Variants in SGK1 observed in about 807,000 individuals in gnomAD.
The protein encoded by SGK1 is serine/threonine-protein kinase Sgk1.
In SGK1, 26 loss-of-function variants were observed where a neutral mutation model predicts 64.2. The ratio of observed to expected loss-of-function variants is 0.40; its 90% confidence interval spans 0.30 to 0.56. The LOEUF is 0.56. Among genes scored for constraint, SGK1 ranks in the 20% least tolerant of loss-of-function variants. The probability of loss-of-function intolerance (pLI) is 0.38; values close to 1 mark genes in which losing one functional copy is unlikely to be tolerated. For synonymous variants in SGK1, 265 were observed against 239.7 expected (o/e 1.11, Z -0.98); for missense variants, 519 against 645.6 (o/e 0.80, Z 2.12).
intron 3 of SGK1, among the ~76,000 whole-genome samples, chr6:134,201,760 G>T (rs1339236035): frequency 1.3e-5 from 2 of 152,272 alleles, no homozygotes; most frequent in East Asian, 1.9e-4. Flanking sequence ...CCTTTGTAAA[G>T]AATCCATTTA....
Position 134,286,478 on chromosome 6 carries a change from A to AT in SGK1, c.70-24331dup, listed in dbSNP as rs1267281237. Among the ~76,000 whole-genome samples the AT allele has an allele frequency of 8.3e-3, 1,066 of 128,466 alleles. 8 individuals are homozygous for AT. Among genetic ancestry groups the AT allele is most frequent in the East Asian group, 0.014 (62 of 4,452 alleles). The allele number at this position is 128,466 out of a possible 152,430, so 84.3% of individuals were successfully genotyped here. A position where few individuals can be genotyped will look rare whatever the true frequency, so the allele number is the denominator to read the frequency against. ...ACCTTGTCTAAAAACAAAATACAAT[A>AT]TTTTTTTTTTTTTTTTTTTTTGAGA... On this transcript the variant is annotated intron_variant, in intron 1 of 13. Transcript: ENST00000367858.
chr6:134,221,102 G>A (rs1400197213), intron 2 of SGK1, among the ~76,000 whole-genome samples: 11 of 151,962 alleles, frequency 7.2e-5, no homozygotes, highest in African/African-American at 1.2e-4. Flanking sequence ...TCAAGAGTTC[G>A]AAACCAGCCT....
At chr6:134,174,917 G>T (rs1775173155) in intron 3 of SGK1, 7 of 1,547,778 alleles carry the variant, frequency 4.5e-6, no homozygotes, top group Non-Finnish European at 6.1e-6. Context: ...CGGGGGCGGG[G>T]CCTGCGCGAC....
At chr6:134,201,466 A>G (rs1308178669) in intron 3 of SGK1, among the ~76,000 whole-genome samples, 1 of 151,996 alleles carries the variant, frequency 6.6e-6, no homozygotes, top group Non-Finnish European at 1.5e-5. Context: ...GGTTCAAGCA[A>G]TTCTTCTGCC....
chr6:134,300,414 T>C (rs905405437), intron 1 of SGK1, among the ~76,000 whole-genome samples: 1 of 150,958 alleles, frequency 6.6e-6, no homozygotes, highest in Non-Finnish European at 1.5e-5. Flanking sequence ...GGCGGGCGCC[T>C]GTAGTCCTAG....
intron 1 of SGK1, among the ~76,000 whole-genome samples, chr6:134,314,900 T>C (rs992206320): frequency 3.0e-4 from 46 of 151,248 alleles, no homozygotes; most frequent in African/African-American, 1.1e-3. Context: ...TATGCAGAAA[T>C]GTGTGGAACT....
intron 1 of SGK1, among the ~76,000 whole-genome samples, chr6:134,275,094 C>G (rs1275434739): frequency 6.6e-6 from 1 of 152,150 alleles, no homozygotes; most frequent in Non-Finnish European, 1.5e-5. Context: ...CAGGCGTGAG[C>G]CACAGCGCCT....
intron 3 of SGK1, chr6:134,174,807 T>C (rs200857667): frequency 1.9e-6 from 3 of 1,614,086 alleles, no homozygotes; most frequent in Non-Finnish European, 2.5e-6. Context: ...TTCACCGTCA[T>C]CACCACCGCG....
rs1562259723 is a variant in SGK1 at position 134,232,424 on chromosome 6, A to AG, written c.286-24994_286-24993insC. On this transcript the variant is annotated intron_variant, in intron 2 of 13. Coordinates refer to ENST00000367858, the MANE Select transcript of SGK1 (RefSeq NM_001143676.3). ...GAAAAAGAAAGAAAGAGAAAGAAAG[A>AG]AAGAAAGAAAGAAAGAAAGAAAGAA... Among the ~76,000 whole-genome samples, 13 of 38,540 alleles carry AG rather than the reference A, an allele frequency of 3.4e-4. 1 individual carries two copies. The highest frequency in any genetic ancestry group is 9.7e-4 in the African/African-American group (11 of 11,362). 25.3% of individuals were successfully genotyped at this position (38,540 alleles called of 152,430 possible).
chr6:134,293,564 T>G (rs182368395), intron 1 of SGK1, among the ~76,000 whole-genome samples: 43 of 152,274 alleles, frequency 2.8e-4, no homozygotes, highest in African/African-American at 1.0e-3. Context: ...AACTTCTATC[T>G]TCTACTTAAA....
chr6:134,188,473 G>A (rs973323842), intron 3 of SGK1, among the ~76,000 whole-genome samples: 4 of 152,180 alleles, frequency 2.6e-5, no homozygotes. Flanking sequence ...CTGCCAGAAA[G>A]AGACCACAGT....
At chr6:134,220,640 TTTAGGG>T (rs902777340) in intron 2 of SGK1, among the ~76,000 whole-genome samples, 58 of 152,254 alleles carry the variant, frequency 3.8e-4, no homozygotes, top group Middle Eastern at 3.4e-3. Context: ...TAGAGTTCAG[TTTAGGG>T]TTAGGGTTAG....
At chr6:134,297,050 G>A (rs568193759) in intron 1 of SGK1, 3 of 454,246 alleles carry the variant, frequency 6.6e-6, no homozygotes, top group African/African-American at 2.0e-5. Flanking sequence ...TGCGGGTCTC[G>A]ATCTTCTTCA....
At chr6:134,228,968 T>C (rs1020090765) in intron 2 of SGK1, among the ~76,000 whole-genome samples, 13 of 151,772 alleles carry the variant, frequency 8.6e-5, no homozygotes, top group Non-Finnish European at 1.6e-4. Flanking sequence ...CTCAGCCTCC[T>C]GAGTAGCTGG....
At chr6:134,186,044 C>T (rs529627350) in intron 3 of SGK1, among the ~76,000 whole-genome samples, 77 of 152,272 alleles carry the variant, frequency 5.1e-4, no homozygotes, top group African/African-American at 1.8e-3. Context: ...TGGAGGCACC[C>T]TTAAGGCCAC....
At chr6:134,299,868 A>G (rs1018009581) in intron 1 of SGK1, among the ~76,000 whole-genome samples, 1 of 148,814 alleles carries the variant, frequency 6.7e-6, no homozygotes, top group African/African-American at 2.5e-5. Flanking sequence ...AAAGCATGTT[A>G]GCATCACCTA....
At chr6:134,285,168 CT>C in intron 1 of SGK1, among the ~76,000 whole-genome samples, 1 of 152,010 alleles carries the variant, frequency 6.6e-6, no homozygotes, top group South Asian at 2.1e-4. Context: ...TGTAAAAGTG[CT>C]CCCTTTTGGC....
intron 2 of SGK1, among the ~76,000 whole-genome samples, chr6:134,221,030 G>A (rs1005877356): frequency 4.0e-5 from 6 of 151,328 alleles, no homozygotes; most frequent in African/African-American, 7.3e-5. Flanking sequence ...CAGGCCAGGC[G>A]CAGTGGCTCA....
intron 3 of SGK1, among the ~76,000 whole-genome samples, chr6:134,189,205 G>GGTGTGTGTGTGTGT (rs71545087): frequency 1.4e-5 from 2 of 148,124 alleles, no homozygotes; most frequent in Non-Finnish European, 3.0e-5. Context: ...CTTTTATACA[G>GGTGTGTGTGTGTGT]GTGTGTGTGT....
Sources: allele counts gnomAD v4.1 joint callset (sites outside exome capture counted in the v4.1 genomes callset), GRCh38; gene constraint gnomAD v4.1.1; transcripts MANE v1.5; gene names NCBI Gene and HGNC (gene_info 2026-07-23, HGNC 2026-07-21).